Variants in PREB observed in about 807,000 individuals in gnomAD.
PREB encodes prolactin regulatory element binding, also known as guanine nucleotide-exchange factor SEC12.
In PREB, 29 loss-of-function variants were observed where a neutral mutation model predicts 46.7. The ratio of observed to expected loss-of-function variants is 0.62; its 90% CI spans 0.46 to 0.85. PREB has a LOEUF of 0.85. Ranked by LOEUF, PREB falls within the 40% of genes least tolerant of loss-of-function variation. PREB has a pLI of 0.00. For missense variants in PREB, 494 were observed against 528.4 expected, an observed-to-expected ratio of 0.93 and a Z score of 0.64; for synonymous variants, 224 against 220.1, an observed-to-expected ratio of 1.02 and a Z score of -0.16.
chr2:27,132,640 T>C lies in PREB; in HGVS notation c.715A>G (p.Thr239Ala), dbSNP rs1419441129. The change falls in exon 5 of 9, where the codon ACC becomes GCC. Residue 239 changes from threonine (T) to alanine (A), a missense_variant. Physicochemically the swap from Thr to Ala is moderately conservative, Grantham distance 58 (BLOSUM62 0). Coordinates refer to ENST00000260643, the MANE Select transcript of PREB (RefSeq NM_013388.6). This position sits in a 1 kb window ranked among gnomAD's most constrained non-coding sequence, Gnocchi z 4.0. ...TQLHWQENGP[T>A]FSSTPYRYQA... is the part of the protein sequence containing the mutation. Reference sequence around the variant, plus strand: ...TAGCGGTAAGGTGTGCTGGAAAAGGTGGGTCCATTTTCTTGCCAGTGCAGC... The same window carrying C: ...TAGCGGTAAGGTGTGCTGGAAAAGGCGGGTCCATTTTCTTGCCAGTGCAGC... 6.2e-7 allele frequency: 1 copy of C among 1,613,710 alleles called. No homozygotes were observed. The highest frequency in any genetic ancestry group is 8.5e-7 in the Non-Finnish European group (1 of 1,179,956).
intron 7 of PREB, 45 bp from the exon 8 acceptor site, chr2:27,131,876 C>G (rs1212986638): frequency 1.2e-6 from 2 of 1,605,076 alleles, no homozygotes; most frequent in African/African-American, 1.3e-5. Context: ...TAGCTGGGAA[C>G]TCTCTTTCTG....
In PREB at chr2:27,134,622, T is replaced by G; in HGVS notation, c.-201A>C. 2.3e-6 allele frequency: 3 copies of G among 1,291,758 alleles called. No homozygotes were observed. In the South Asian group the frequency reaches 7.0e-5, roughly 30 times the overall value. 80.0% of individuals were successfully genotyped at this position (1,291,758 alleles called of 1,614,324 possible). ...CAGCTCGGCTCCGTCCAAGTCGGTC[T>G]CGCAGACGCGCACTGCGCATGCGCA... On this transcript the variant is annotated 5_prime_UTR_variant, in exon 1 of 9. Transcript: ENST00000260643.
Position 27,131,367 on chromosome 2 carries a change from C to G in PREB, c.*47G>C. ...AGGGAGTCCAGGCCTCCACTCTGCT[C>G]TAGAGATGGCAGTGTCCAGGCTCCT... On this transcript the variant is annotated 3_prime_UTR_variant, in exon 9 of 9. Coordinates refer to ENST00000260643, the MANE Select transcript of PREB (RefSeq NM_013388.6). 6.7e-7 allele frequency: 1 copy of G among 1,485,100 alleles called. No homozygotes were observed. Among genetic ancestry groups the G allele is most frequent in the Non-Finnish European group, 9.2e-7 (1 of 1,086,350 alleles). 92.0% of individuals were successfully genotyped at this position (1,485,100 alleles called of 1,614,324 possible). A position where few individuals can be genotyped will look rare whatever the true frequency, so the allele number is the denominator to read the frequency against.
Position 27,132,857 on chromosome 2 carries a change from C to G in PREB, c.613G>C (p.Gly205Arg). ...CAGCCCCTCACCTTGCCATCAGGCC[C>G]TAAAGCCAGGTCTTCAATCTCCCCT... ...HEGEIEDLAL[G>R]PDGKLVTVGR... Residue 205 changes from glycine (G) to arginine (R), a missense_variant, in exon 4 of 9, where the codon GGG becomes CGG. Transcript: ENST00000260643. This position sits in a 1 kb window ranked among gnomAD's most constrained non-coding sequence, Gnocchi z 4.0. The G allele has an allele frequency of 6.2e-7, 1 of 1,614,128 alleles. No individual in the cohort carries two copies. Among genetic ancestry groups the G allele is most frequent in the Non-Finnish European group, 8.5e-7 (1 of 1,180,022 alleles).
Position 27,132,521 on chromosome 2 carries a change from G to T in PREB, c.752+82C>A. ...GTAACACTCAACAAGTTCCTCCCCA[G>T]CTCTCCCATCCCCAGTCTTTTCCCT... On this transcript the variant is annotated intron_variant, in intron 5 of 8. Coordinates refer to ENST00000260643, the MANE Select transcript of PREB (RefSeq NM_013388.6). This position sits in a 1 kb window ranked among gnomAD's most constrained non-coding sequence, Gnocchi z 4.0. 6.3e-7 allele frequency: 1 copy of T among 1,599,810 alleles called. No individual in the cohort carries two copies. Among genetic ancestry groups the T allele is most frequent in the Non-Finnish European group, 8.5e-7 (1 of 1,171,708 alleles).
rs1473909257 is a variant in PREB, at chr2:27,131,342, A to G, written c.*72T>C. On this transcript the variant is annotated 3_prime_UTR_variant, in exon 9 of 9. Coordinates refer to ENST00000260643, the MANE Select transcript of PREB (RefSeq NM_013388.6). ...CTGTGGACCCGAATGGAGTGAGCAAAGGGAGTCCAGGCCTCCACTCTGCTC... is the reference window on the plus strand; with the variant it reads ...CTGTGGACCCGAATGGAGTGAGCAAGGGGAGTCCAGGCCTCCACTCTGCTC... 2 of 1,360,958 alleles carry G rather than the reference A, an allele frequency of 1.5e-6. No homozygotes were observed. Among genetic ancestry groups the G allele is most frequent in the Non-Finnish European group, 2.1e-6 (2 of 974,336 alleles). 84.3% of individuals were successfully genotyped at this position (1,360,958 alleles called of 1,614,324 possible).
chr2:27,134,017 A>G (rs1297752598), intron 1 of PREB: 12 of 613,388 alleles, frequency 2.0e-5, no homozygotes, highest in Non-Finnish European at 3.4e-5. Context: ...AAAGGCCAGT[A>G]TAAGACCCCT....
At chr2:27,133,468 G>C (rs778683138) in intron 2 of PREB, 64 bp downstream of exon 2, 20 of 1,592,820 alleles carry the variant, frequency 1.3e-5, no homozygotes, top group Non-Finnish European at 1.7e-5. Flanking sequence ...CTTCTTTAGA[G>C]ACACCAAGAG....
intron 2 of PREB, 56 bp from the exon 3 acceptor site, chr2:27,133,393 CCT>C: frequency 6.2e-7 from 1 of 1,605,618 alleles, no homozygotes; most frequent in Non-Finnish European, 8.5e-7. Flanking sequence ...AGTACTGGCC[CCT>C]CTCTCCATGG....
chr2:27,133,118 T>C lies in PREB; in HGVS notation c.545A>G (p.Lys182Arg). ...GGTDGYVRVW[K>R]VPSLEKVLEF... Reference sequence around the variant, plus strand: ...CTCCCTAACCCTGCAAACCCACACCTTCCAGACACGGACGTAGCCATCTGT... The same window carrying C: ...CTCCCTAACCCTGCAAACCCACACCCTCCAGACACGGACGTAGCCATCTGT... Residue 182 changes from lysine (K) to arginine (R), a missense_variant and splice_region_variant, in exon 3 of 9, where the codon AAG (lysine) becomes AGG (arginine). Coordinates refer to ENST00000260643, the MANE Select transcript of PREB (RefSeq NM_013388.6). The C allele has an allele frequency of 6.2e-7, 1 of 1,614,076 alleles. No homozygotes were observed. The highest frequency in any genetic ancestry group is 1.7e-5 in the Admixed American group (1 of 60,014).
rs1672425155 is a variant in PREB at position 27,134,574 on chromosome 2, A to C, written c.-153T>G. 7.4e-7 allele frequency: 1 copy of C among 1,347,020 alleles called. No individual in the cohort carries two copies. Among genetic ancestry groups the C allele is most frequent in the Non-Finnish European group, 9.5e-7 (1 of 1,055,342 alleles). 83.4% of individuals were successfully genotyped at this position (1,347,020 alleles called of 1,614,324 possible). ...ACACCGGGGAGTTGCCAAAACCCTG[A>C]CCATCAGCAGGAAGCCGAGCCTCAG... On this transcript the variant is annotated 5_prime_UTR_variant, in exon 1 of 9. Transcript: ENST00000260643.
In PREB at chr2:27,131,477, C is replaced by A; in HGVS notation, c.1191G>T (p.Leu397=). 6.3e-7 allele frequency: 1 copy of A among 1,581,142 alleles called. No homozygotes were observed. Among genetic ancestry groups the A allele is most frequent in the Non-Finnish European group, 8.6e-7 (1 of 1,163,058 alleles). ...RSVPVWLLLL[L]CVGLIIVTIL... Reference sequence around the variant, plus strand: ...TGGTCACAATAATAAGCCCGACACACAGCAGGAGCAGGAGCCACACAGGAA... The same window carrying A: ...TGGTCACAATAATAAGCCCGACACAAAGCAGGAGCAGGAGCCACACAGGAA... The change falls in exon 9 of 9, where the codon CTG becomes CTT. Residue 397 remains leucine, a synonymous_variant. Transcript: ENST00000260643.
chr2:27,132,571 C>T lies in PREB; in HGVS notation c.752+32G>A. ...TCTCCCCCACCACAGCTGGGCTATG[C>T]CTCTTTCAGCCACCACCCAAAGTCT... On this transcript the variant is annotated intron_variant, in intron 5 of 8. Coordinates refer to ENST00000260643, the MANE Select transcript of PREB (RefSeq NM_013388.6). This position sits in a 1 kb window ranked among gnomAD's most constrained non-coding sequence, Gnocchi z 4.0. 6.2e-7 allele frequency: 1 copy of T among 1,612,968 alleles called. No homozygotes were observed. The highest frequency in any genetic ancestry group is 2.2e-5 in the East Asian group (1 of 44,876).
At chr2:27,133,027 C>A (rs1031244159) in intron 3 of PREB, 90 bp downstream of exon 3, 6 of 1,581,258 alleles carry the variant, frequency 3.8e-6, no homozygotes, top group Non-Finnish European at 5.2e-6. Context: ...AAGCTTCATT[C>A]ACAAGTTTCC....
intron 1 of PREB, 181 bp from the exon 2 acceptor site, chr2:27,133,902 C>T (rs1428638436): frequency 3.1e-6 from 2 of 650,000 alleles, no homozygotes; most frequent in African/African-American, 1.8e-5. Flanking sequence ...GGATTATTAC[C>T]TCTATTTTAC....
chr2:27,133,152 T>A lies in PREB; in HGVS notation c.511A>T (p.Thr171Ser). 1 of 1,614,190 alleles carries A rather than the reference T, an allele frequency of 6.2e-7. No homozygotes were observed. The highest frequency in any genetic ancestry group is 1.1e-5 in the South Asian group (1 of 91,088). Residue 171 changes from threonine (T) to serine (S), a missense_variant, in exon 3 of 9, where the codon ACT (threonine) becomes TCT (serine). Physicochemically the swap from Thr to Ser is moderately conservative, Grantham distance 58. Transcript: ENST00000260643. ...CFNHDNTLLA[T>S]GGTDGYVRVW... Reference sequence around the variant, plus strand: ...CGGACGTAGCCATCTGTTCCTCCAGTGGCAAGCAGGGTATTATCGTGGTTG... The same window carrying A: ...CGGACGTAGCCATCTGTTCCTCCAGAGGCAAGCAGGGTATTATCGTGGTTG...
Position 27,132,941 on chromosome 2 carries a change from C to T in PREB, c.547-18G>A. 1.9e-6 allele frequency: 3 copies of T among 1,613,860 alleles called. No individual in the cohort carries two copies. The South Asian group carries it at 3.3e-5, about 18-fold the overall frequency. On this transcript the variant is annotated intron_variant, in intron 3 of 8. Transcript: ENST00000260643. The surrounding 1 kb of genome is among the most constrained non-coding windows in gnomAD (Gnocchi z 4.0). ...CTGGGCACCTGTAGCCAAACAACCACCATGGTTAACTCAGGTGTCCAGCAA... is the reference window on the plus strand; with the variant it reads ...CTGGGCACCTGTAGCCAAACAACCATCATGGTTAACTCAGGTGTCCAGCAA...
Position 27,132,956 on chromosome 2 carries a change from G to A in PREB, c.547-33C>T, listed in dbSNP as rs764958119. The A allele has an allele frequency of 2.5e-6, 4 of 1,612,334 alleles. No homozygotes were observed. The highest frequency in any genetic ancestry group is 3.4e-6 in the Non-Finnish European group (4 of 1,178,606). ...CAAACAACCACCATGGTTAACTCAG[G>A]TGTCCAGCAAGTACACTGTGACTGA... On this transcript the variant is annotated intron_variant, in intron 3 of 8. Transcript: ENST00000260643. The surrounding 1 kb of genome is among the most constrained non-coding windows in gnomAD (Gnocchi z 4.0).
intron 8 of PREB, 24 bp downstream of exon 8, chr2:27,131,648 G>GCCTGC: frequency 6.2e-7 from 1 of 1,612,110 alleles, no homozygotes; most frequent in South Asian, 1.1e-5. Flanking sequence ...GGTGGTGCCT[G>GCCTGC]CCTGCCCTGC....
Sources: allele counts gnomAD v4.1 joint callset, GRCh38; gene constraint gnomAD v4.1.1; non-coding constraint Gnocchi (gnomAD v3.1); transcripts MANE v1.5; gene names NCBI Gene and HGNC (gene_info 2026-07-23, HGNC 2026-07-21).